ALLC: variants seen among roughly 807,000 people sequenced by gnomAD.
ALLC encodes probable inactive allantoicase.
Under a neutral mutation model 45.0 loss-of-function variants are expected in ALLC, and 40 were observed. The ratio of observed to expected loss-of-function variants is 0.89; its 90% confidence interval spans 0.69 to 1.16. The LOEUF (loss-of-function observed/expected upper bound fraction) is 1.16, where lower values mean the gene tolerates loss of function less well. Among genes scored for constraint, ALLC ranks in the 50% most tolerant of loss-of-function variants. The pLI is 0.00. For synonymous variants in ALLC, 176 were observed against 178.1 expected (o/e 0.99, Z 0.09); for missense variants, 488 against 493.1 (o/e 0.99, Z 0.10).
At chr2:3,674,497 A>C (rs1431247091) in intron 3 of ALLC, among the ~76,000 whole-genome samples, 1 of 152,236 alleles carries the variant, frequency 6.6e-6, no homozygotes, top group African/African-American at 2.4e-5. Flanking sequence ...TTATTAAAAA[A>C]ATAGAGAAAA....
At chr2:3,666,188 G>C (rs1666720639) in intron 1 of ALLC, among the ~76,000 whole-genome samples, 1 of 152,222 alleles carries the variant, frequency 6.6e-6, no homozygotes, top group Non-Finnish European at 1.5e-5. Context: ...CCACCACAGG[G>C]GGGTGGCTGG....
chr2:3,659,546 T>C (rs6760466), intron 1 of ALLC, among the ~76,000 whole-genome samples: 32,821 of 152,168 alleles, frequency 0.22, 4,019 homozygotes, highest in East Asian at 0.35. Context: ...GCAATGAGCT[T>C]AGAAGCAGCT....
At chr2:3,681,444 T>A (rs1446749534) in intron 5 of ALLC, among the ~76,000 whole-genome samples, 190 bp from the exon 6 acceptor site, 1 of 152,226 alleles carries the variant, frequency 6.6e-6, no homozygotes, top group East Asian at 1.9e-4. Flanking sequence ...TACTATTTTT[T>A]GAAATGACTG....
rs911304241 is a variant in ALLC at position 3,675,828 on chromosome 2, A to G, written c.84+1703A>G. Among the ~76,000 whole-genome samples, 10 of 152,370 alleles carry G rather than the reference A, an allele frequency of 6.6e-5. 1 individual carries two copies. In the South Asian group the frequency reaches 1.7e-3, roughly 25 times the overall value. ...TTTAGGCTGTTGGGGCTGCTGAAGC[A>G]AAATACTGCAGATGGGTGGTGGCTT... On this transcript the variant is annotated intron_variant, in intron 3 of 11. Transcript: ENST00000252505.
At chr2:3,694,361 A>C (rs943589995) in intron 7 of ALLC, among the ~76,000 whole-genome samples, 1 of 152,182 alleles carries the variant, frequency 6.6e-6, no homozygotes, top group East Asian at 1.9e-4. Flanking sequence ...CCAGGTGTAA[A>C]GGGAAAGGAA....
chr2:3,699,354 ATAG>A (rs1667764035), intron 10 of ALLC, among the ~76,000 whole-genome samples: 1 of 152,186 alleles, frequency 6.6e-6, no homozygotes, highest in Admixed American at 6.5e-5. Flanking sequence ...TTGTGGCTGC[ATAG>A]TATTCCATGT....
intron 3 of ALLC, among the ~76,000 whole-genome samples, chr2:3,674,761 G>T (rs1380809211): frequency 1.3e-5 from 2 of 152,178 alleles, no homozygotes; most frequent in Non-Finnish European, 2.9e-5. Context: ...CCCTGAGAAG[G>T]CACCTTACAG....
At position 3,700,560 on chromosome 2, in the gene ALLC, A is replaced by G. The variant is rs374466827; in HGVS notation, c.851-952A>G. Among the ~76,000 whole-genome samples the G allele has an allele frequency of 1.5e-4, 23 of 152,348 alleles. No individual in the cohort carries two copies. In the East Asian group the frequency reaches 4.0e-3, roughly 27 times the overall value. On this transcript the variant is annotated intron_variant, in intron 10 of 11. Coordinates refer to ENST00000252505, the MANE Select transcript of ALLC (RefSeq NM_018436.4). ...ATGAATCTACCACTGTCAAACACTC[A>G]GGATACCTCTGGTACATACAATATG...
chr2:3,685,571 A>G (rs1196330620), intron 7 of ALLC, among the ~76,000 whole-genome samples: 1 of 150,842 alleles, frequency 6.6e-6, no homozygotes, highest in Non-Finnish European at 1.5e-5. Context: ...AAACCACCCC[A>G]TCATCCAATC....
intron 3 of ALLC, among the ~76,000 whole-genome samples, chr2:3,678,100 A>G (rs941848775): frequency 8.5e-5 from 13 of 152,164 alleles, no homozygotes; most frequent in Non-Finnish European, 1.9e-4. Context: ...TCCTGATTGA[A>G]TAGTCTACCT....
chr2:3,650,370 C>G, the ALLC span, among the ~76,000 whole-genome samples: 4 of 152,226 alleles, frequency 2.6e-5, no homozygotes, highest in African/African-American at 7.2e-5. Context: ...GGCCACCGGG[C>G]TGATGGCCCC....
chr2:3,674,637 A>G (rs1468350104), intron 3 of ALLC, among the ~76,000 whole-genome samples: 2 of 152,176 alleles, frequency 1.3e-5, no homozygotes, highest in African/African-American at 2.4e-5. Flanking sequence ...ATGCCCACGT[A>G]CAGCATTCAT....
chr2:3,657,033 C>T (rs568730077), upstream of ALLC, among the ~76,000 whole-genome samples: 5 of 152,256 alleles, frequency 3.3e-5, no homozygotes, highest in South Asian at 6.2e-4. Flanking sequence ...CTGCCAGGGA[C>T]GAAGCCACGT....
At chr2:3,682,606 A>G (rs538651309) in intron 6 of ALLC, among the ~76,000 whole-genome samples, 55 of 152,242 alleles carry the variant, frequency 3.6e-4, no homozygotes, top group Middle Eastern at 3.4e-3. Context: ...GCTCACTGCA[A>G]GCTCCGCCTC....
intron 7 of ALLC, 44 bp from the exon 8 acceptor site, chr2:3,695,673 C>T: frequency 6.2e-7 from 1 of 1,611,282 alleles, no homozygotes; most frequent in Non-Finnish European, 8.5e-7. Flanking sequence ...GATACACAAG[C>T]AGCCATTTTT....
At chr2:3,694,546 C>T (rs565745445) in intron 7 of ALLC, 88 of 152,274 alleles carry the variant, frequency 5.8e-4, no homozygotes, top group African/African-American at 2.0e-3. Flanking sequence ...AATGTGAAAT[C>T]GACTTCACTT....
chr2:3,684,174 C>T (rs1261519522), intron 7 of ALLC, among the ~76,000 whole-genome samples: 1 of 152,028 alleles, frequency 6.6e-6, no homozygotes, highest in Non-Finnish European at 1.5e-5. Flanking sequence ...CTAGGCTTTT[C>T]CGAAAGTGCT....
chr2:3,676,752 C>T (rs563962768), intron 3 of ALLC, among the ~76,000 whole-genome samples: 76 of 152,108 alleles, frequency 5.0e-4, no homozygotes, highest in African/African-American at 1.7e-3. Context: ...GCACGTGTGT[C>T]GGTTTATCCC....
upstream of ALLC, among the ~76,000 whole-genome samples, chr2:3,655,258 G>C (rs1297668778): frequency 4.6e-5 from 7 of 152,246 alleles, no homozygotes; most frequent in Non-Finnish European, 8.8e-5. Context: ...CACCTTTGCT[G>C]TGTCCTGTTC....
Sources: gnomAD v4.1 joint callset for allele counts (sites outside exome capture counted in the v4.1 genomes callset) on GRCh38, gnomAD v4.1.1 for gene constraint, MANE v1.5 for transcripts, NCBI Gene and HGNC (gene_info 2026-07-23, HGNC 2026-07-21) for gene names.